SYNE1: variants seen among roughly 807,000 people sequenced by gnomAD.
SYNE1 encodes the protein nesprin-1.
SYNE1 carries 616 observed loss-of-function variants against 1,111.0 expected under a neutral mutation model. The observed-to-expected ratio is 0.55, with a 90% CI of 0.52 to 0.59. The LOEUF (loss-of-function observed/expected upper bound fraction) is 0.59, where lower values mean the gene tolerates loss of function less well. Among genes scored for constraint, SYNE1 ranks in the 20% least tolerant of loss-of-function variants. The pLI, the probability that SYNE1 is intolerant of heterozygous loss-of-function variation, is 0.00. For synonymous variants in SYNE1, 3,855 were observed against 3,825.8 expected (o/e 1.01, Z -0.28); for missense variants, 10,006 against 10,417.0 (o/e 0.96, Z 1.72).
At chr6:152,422,387 A>G (rs1463416634) in intron 39 of SYNE1, among the ~76,000 whole-genome samples, 1 of 152,252 alleles carries the variant, frequency 6.6e-6, no homozygotes, top group Non-Finnish European at 1.5e-5. Flanking sequence ...ATCTATTCTC[A>G]GGACTAAGAG....
intron 38 of SYNE1, among the ~76,000 whole-genome samples, chr6:152,426,191 G>C (rs1029020664): frequency 6.6e-6 from 1 of 152,168 alleles, no homozygotes; most frequent in Non-Finnish European, 1.5e-5. Flanking sequence ...CAATAGATAG[G>C]TAATAATAAT....
intron 8 of SYNE1, among the ~76,000 whole-genome samples, chr6:152,507,940 G>A (rs751101391): frequency 2.0e-5 from 3 of 152,054 alleles, no homozygotes; most frequent in Non-Finnish European, 4.4e-5. Context: ...CGAAAACAGT[G>A]GATACATCCT....
intron 3 of SYNE1, among the ~76,000 whole-genome samples, chr6:152,614,592 A>G (rs2099640844): frequency 6.6e-6 from 1 of 152,200 alleles, no homozygotes; most frequent in South Asian, 2.1e-4. Context: ...TCAAGGATCT[A>G]GAACTAGAAA....
chr6:152,495,606 T>C lies in SYNE1; in HGVS notation c.939+3136A>G, dbSNP rs145008731. On this transcript the variant is annotated intron_variant, in intron 11 of 145. Coordinates refer to ENST00000367255, the MANE Select transcript of SYNE1 (RefSeq NM_182961.4). ...CTGCTCCACCCTGACTCATTCCGAT[T>C]ACCTGCTCCACCCTGACTCATTCTG... 2.6e-3 allele frequency among the ~76,000 whole-genome samples: 389 copies of C among 152,146 alleles called. 2 individuals are homozygous for C. Among genetic ancestry groups the C allele is most frequent in the Middle Eastern group, 6.8e-3 (2 of 294 alleles).
Position 152,509,757 on chromosome 6 carries a change from T to TA in SYNE1, c.581+435dup, listed in dbSNP as rs138196158. Reference sequence around the variant, plus strand: ...AAAATTGCTAGAAAGTTTCAGAACATAAAAAAAAAATGTTTTTGGAATGTG... The same window carrying TA: ...AAAATTGCTAGAAAGTTTCAGAACATAAAAAAAAAAATGTTTTTGGAATGTG... On this transcript the variant is annotated intron_variant, in intron 8 of 145. Coordinates refer to ENST00000367255, the MANE Select transcript of SYNE1 (RefSeq NM_182961.4). Among the ~76,000 whole-genome samples the TA allele has an allele frequency of 9.5e-3, 1,421 of 149,606 alleles. 19 individuals are homozygous for TA. The highest frequency in any genetic ancestry group is 0.032 in the African/African-American group (1,330 of 40,924).
chr6:152,465,315 C>T lies in SYNE1; in HGVS notation c.1875G>A (p.Leu625=), dbSNP rs908412593. ...TTTCAGCATCCTCTAGCCAGGCTTGCAGACTAGCCACTGTATTGCCATAGC... is the reference window on the plus strand; with the variant it reads ...TTTCAGCATCCTCTAGCCAGGCTTGTAGACTAGCCACTGTATTGCCATAGC... ...WDRYGNTVAS[L]QAWLEDAEKM... is the part of the protein sequence containing the mutation. Residue 625 remains leucine (L), a synonymous_variant, in exon 18 of 146, where the codon CTG becomes CTA. Coordinates refer to ENST00000367255, the MANE Select transcript of SYNE1 (RefSeq NM_182961.4). The T allele has an allele frequency of 1.5e-5, 25 of 1,613,672 alleles. No individual in the cohort carries two copies. The highest frequency in any genetic ancestry group is 1.9e-5 in the Non-Finnish European group (23 of 1,179,814).
chr6:152,297,521 A>G (rs2094935550), intron 93 of SYNE1, among the ~76,000 whole-genome samples: 1 of 152,166 alleles, frequency 6.6e-6, no homozygotes, highest in African/African-American at 2.4e-5. Context: ...CTTCATCCTG[A>G]GCACATTGTG....
Position 152,352,180 on chromosome 6 carries a change from C to T in SYNE1, c.11427G>A (p.Met3809Ile). 1.2e-6 allele frequency: 2 copies of T among 1,614,222 alleles called. No homozygotes were observed. The highest frequency in any genetic ancestry group is 8.5e-7 in the Non-Finnish European group (1 of 1,180,036). ...CTAAATGAAGACCTTTTTCCAGCGT[C>T]ATGTGTTCTTTCCGGACAGTGCTGG... ...ELTSTVRKEH[M>I]TLEKGLHLAK... Residue 3809 changes from methionine to isoleucine, a missense_variant, in exon 70 of 146, where the codon ATG becomes ATA. By Grantham distance (10) the Met-to-Ile change is conservative (BLOSUM62 1). Coordinates refer to ENST00000367255, the MANE Select transcript of SYNE1 (RefSeq NM_182961.4).
intron 2 of SYNE1, among the ~76,000 whole-genome samples, chr6:152,628,962 T>C (rs1196135460): frequency 6.6e-6 from 1 of 152,190 alleles, no homozygotes; most frequent in Non-Finnish European, 1.5e-5. Context: ...CTCTGTTGCG[T>C]TGTACTCTTT....
chr6:152,628,091 T>C (rs1186805331), intron 3 of SYNE1, among the ~76,000 whole-genome samples, 174 bp downstream of exon 3: 2 of 147,540 alleles, frequency 1.4e-5, no homozygotes, highest in African/African-American at 2.5e-5. Flanking sequence ...TTCTATGTAA[T>C]GAATACAGCA....
chr6:152,455,459 C>T lies in SYNE1; in HGVS notation c.2859G>A (p.Lys953=), dbSNP rs2098689434. ...LRIAQEGLEE[K]GDPEELLRRH... ...TCCGCAGGAGCTCCTCTGGATCCCC[C>T]TTTTCCTCCAGGCCCTCCTGAGCAA... Residue 953 remains lysine, a synonymous_variant, in exon 24 of 146, where the codon AAG becomes AAA. Transcript: ENST00000367255. 3 of 1,614,038 alleles carry T rather than the reference C, an allele frequency of 1.9e-6. No homozygotes were observed. Among genetic ancestry groups the T allele is most frequent in the South Asian group, 2.2e-5 (2 of 91,086 alleles).
intron 95 of SYNE1, among the ~76,000 whole-genome samples, chr6:152,286,386 C>T (rs930329570): frequency 2.0e-5 from 3 of 152,128 alleles, no homozygotes; most frequent in Admixed American, 6.5e-5. Flanking sequence ...GAGTCATACA[C>T]GATGCACTGC....
chr6:152,154,650 A>C (rs1450435534), intron 133 of SYNE1, among the ~76,000 whole-genome samples: 2 of 152,226 alleles, frequency 1.3e-5, no homozygotes, highest in Non-Finnish European at 2.9e-5. Context: ...CTTTTCTAAT[A>C]GAATCTCTCT....
chr6:152,461,788 C>T, intron 20 of SYNE1, 48 bp from the exon 21 acceptor site: 1 of 1,612,948 alleles, frequency 6.2e-7, no homozygotes, highest in South Asian at 1.1e-5. Context: ...CACATTTCCT[C>T]TTAACTTCCG....
intron 4 of SYNE1, among the ~76,000 whole-genome samples, chr6:152,534,201 T>C (rs575110584): frequency 1.4e-5 from 2 of 147,516 alleles, no homozygotes; most frequent in Admixed American, 6.8e-5. Flanking sequence ...AATGAATGAA[T>C]GAATAAATAA....
intron 93 of SYNE1, 94 bp downstream of exon 93, chr6:152,300,547 T>C: frequency 6.4e-7 from 1 of 1,573,748 alleles, no homozygotes; most frequent in South Asian, 1.1e-5. Flanking sequence ...TGCAACAAAG[T>C]CTGAGATTCA....
rs766697026 is a variant in SYNE1 at position 152,255,081 on chromosome 6, G to T, written c.19269C>A (p.Ala6423=). 9.4e-6 allele frequency: 15 copies of T among 1,594,658 alleles called. No homozygotes were observed. Among genetic ancestry groups the T allele is most frequent in the Non-Finnish European group, 1.3e-5 (15 of 1,168,066 alleles). ...ETCLFNQEIL[A]KDIKEMSEEM... ...CTTCAGACATTTCCTTAATGTCTTT[G>T]GCAAGAATCTAGAGGTGATAAAAGG... is the stretch of plus-strand genomic sequence containing the variant. The change falls in exon 104 of 146, where the codon GCC becomes GCA. Residue 6423 remains alanine (A), a synonymous_variant. Coordinates refer to ENST00000367255, the MANE Select transcript of SYNE1 (RefSeq NM_182961.4).
chr6:152,146,211 G>A (rs190046335), intron 137 of SYNE1: 3 of 154,890 alleles, frequency 1.9e-5, no homozygotes, highest in Admixed American at 6.3e-5. Context: ...AGTTTAAACA[G>A]AAAGTACATG....
intron 74 of SYNE1, among the ~76,000 whole-genome samples, chr6:152,343,239 G>A (rs964161167): frequency 4.0e-5 from 6 of 149,476 alleles, no homozygotes; most frequent in African/African-American, 1.2e-4. Context: ...TGCAACCTCC[G>A]CCTCCACCTC....
Sources: gnomAD v4.1 joint callset for allele counts (sites outside exome capture counted in the v4.1 genomes callset) on GRCh38, gnomAD v4.1.1 for gene constraint, MANE v1.5 for transcripts, NCBI Gene and HGNC (gene_info 2026-07-23, HGNC 2026-07-21) for gene names.